PTPRD: variants seen among roughly 807,000 people sequenced by gnomAD.
PTPRD encodes the protein protein tyrosine phosphatase receptor type D, also known as receptor-type tyrosine-protein phosphatase delta.
A neutral mutation model predicts 214.5 loss-of-function variants in PTPRD; 34 were observed. The observed-to-expected ratio is 0.16, with a 90% CI of 0.12 to 0.21. The LOEUF (loss-of-function observed/expected upper bound fraction) is 0.21. PTPRD is among the 10% of genes least tolerant of loss of function. PTPRD has a pLI of 1.00. For missense variants in PTPRD, 2,545 were observed against 2,398.7 expected (o/e 1.06, Z -1.27); for synonymous variants, 1,128 against 845.7 (o/e 1.33, Z -5.79).
At chr9:9,459,103 A>T (rs1462672961) in intron 8 of PTPRD, among the ~76,000 whole-genome samples, 2 of 152,032 alleles carry the variant, frequency 1.3e-5, no homozygotes, top group African/African-American at 2.4e-5. Flanking sequence ...GCAGAGGTGG[A>T]TGCCTGAGAA....
chr9:8,459,151 G>A (rs917340746), intron 33 of PTPRD, among the ~76,000 whole-genome samples: 1 of 152,034 alleles, frequency 6.6e-6, no homozygotes, highest in Non-Finnish European at 1.5e-5. Context: ...AAGGGAGTGA[G>A]GGTGAAAATA....
At chr9:9,972,818 A>G (rs1446333794) in intron 4 of PTPRD, among the ~76,000 whole-genome samples, 3 of 151,964 alleles carry the variant, frequency 2.0e-5, no homozygotes, top group Non-Finnish European at 4.4e-5. Context: ...ATCTCCTACT[A>G]CTAACTCTGA....
At chr9:8,617,962 T>C (rs2095666935) in intron 14 of PTPRD, among the ~76,000 whole-genome samples, 1 of 152,244 alleles carries the variant, frequency 6.6e-6, no homozygotes, top group Admixed American at 6.5e-5. Flanking sequence ...ACTTTGAAAC[T>C]GGTAGGTTGT....
At chr9:9,566,701 G>A (rs1323857712) in intron 8 of PTPRD, among the ~76,000 whole-genome samples, 1 of 151,968 alleles carries the variant, frequency 6.6e-6, no homozygotes, top group Non-Finnish European at 1.5e-5. Context: ...ACTCGTAGTG[G>A]GGTCATAACT....
chr9:9,288,187 T>G (rs1950090976), intron 9 of PTPRD, among the ~76,000 whole-genome samples: 1 of 151,904 alleles, frequency 6.6e-6, no homozygotes, highest in Non-Finnish European at 1.5e-5. Flanking sequence ...TTTTCTTCAT[T>G]ATATCTTAAG....
At chr9:9,048,232 G>C (rs1447504776) in intron 10 of PTPRD, among the ~76,000 whole-genome samples, 1 of 152,096 alleles carries the variant, frequency 6.6e-6, no homozygotes, top group Non-Finnish European at 1.5e-5. Flanking sequence ...TCATTACAGA[G>C]AGCAGTTTGG....
chr9:8,531,769 T>G (rs2075761587), intron 14 of PTPRD, among the ~76,000 whole-genome samples: 1 of 152,124 alleles, frequency 6.6e-6, no homozygotes, highest in African/African-American at 2.4e-5. Flanking sequence ...CAATATTCAG[T>G]GCTGATCAGT....
intron 8 of PTPRD, among the ~76,000 whole-genome samples, chr9:9,421,455 G>T (rs79917915): frequency 6.6e-6 from 1 of 152,032 alleles, no homozygotes; most frequent in Non-Finnish European, 1.5e-5. Context: ...AAAACGAGTT[G>T]TTAAGATTTG....
At chr9:8,977,939 A>G (rs144902092) in intron 11 of PTPRD, among the ~76,000 whole-genome samples, 1 of 152,218 alleles carries the variant, frequency 6.6e-6, no homozygotes, top group African/African-American at 2.4e-5. Context: ...TCCAATATTC[A>G]ATTTTAAATT....
chr9:10,313,970 G>A lies in PTPRD; in HGVS notation c.-545+26993C>T, dbSNP rs541776946. On this transcript the variant is annotated intron_variant, in intron 3 of 45. Transcript: ENST00000381196. ...CTAGTGCTTTCTGTTCAACTTCATG[G>A]AGGTAGTGGTCTTTAAGCTGTGGAG... 7.2e-5 allele frequency among the ~76,000 whole-genome samples: 11 copies of A among 152,020 alleles called. No individual in the cohort carries two copies. The Middle Eastern group carries it at 0.014, about 188-fold the overall frequency.
intron 2 of PTPRD, among the ~76,000 whole-genome samples, chr9:10,579,893 T>G (rs1402068242): frequency 6.6e-6 from 1 of 152,182 alleles, no homozygotes; most frequent in African/African-American, 2.4e-5. Flanking sequence ...GTTGGCCACT[T>G]GAATGCCTTT....
At chr9:9,994,762 T>C (rs1483888713) in intron 4 of PTPRD, among the ~76,000 whole-genome samples, 2 of 152,160 alleles carry the variant, frequency 1.3e-5, no homozygotes, top group Non-Finnish European at 2.9e-5. Flanking sequence ...TTATCAATTG[T>C]ATTACATTTT....
intron 11 of PTPRD, among the ~76,000 whole-genome samples, chr9:9,014,935 T>C (rs62531086): frequency 0.058 from 8,884 of 152,240 alleles, 341 homozygotes; most frequent in Non-Finnish European, 0.084. Flanking sequence ...ATTCTGTGTA[T>C]ACATGTATTT....
At chr9:8,343,359 C>A (rs1243485513) in intron 39 of PTPRD, among the ~76,000 whole-genome samples, 1 of 151,904 alleles carries the variant, frequency 6.6e-6, no homozygotes, top group Non-Finnish European at 1.5e-5. Context: ...AAGTATAAAC[C>A]CACAAATTGA....
At chr9:9,966,068 T>C (rs937540245) in intron 4 of PTPRD, among the ~76,000 whole-genome samples, 1 of 152,122 alleles carries the variant, frequency 6.6e-6, no homozygotes, top group South Asian at 2.1e-4. Context: ...GTTTTCCACT[T>C]TGGTATTTAC....
At chr9:8,330,693 T>C (rs1839528347) in intron 44 of PTPRD, among the ~76,000 whole-genome samples, 1 of 150,832 alleles carries the variant, frequency 6.6e-6, no homozygotes, top group South Asian at 2.1e-4. Context: ...TTCATTATCA[T>C]AGAGCCAAAT....
intron 2 of PTPRD, among the ~76,000 whole-genome samples, chr9:10,605,457 C>T (rs1313148607): frequency 6.6e-6 from 1 of 151,748 alleles, no homozygotes; most frequent in Non-Finnish European, 1.5e-5. Flanking sequence ...CTTTCTAGAA[C>T]TTTGGAGAGT....
intron 9 of PTPRD, among the ~76,000 whole-genome samples, chr9:9,298,041 T>C (rs1953774594): frequency 6.6e-6 from 1 of 151,774 alleles, no homozygotes. Flanking sequence ...AATCAATGAC[T>C]TAAAATGTGA....
intron 18 of PTPRD, 127 bp downstream of exon 18, chr9:8,524,798 G>A (rs1343064700): frequency 2.4e-6 from 2 of 817,754 alleles, no homozygotes. Context: ...TTACTAACAT[G>A]TTTCAGCTAC....
Sources: allele counts gnomAD v4.1 joint callset (sites outside exome capture counted in the v4.1 genomes callset), GRCh38; gene constraint gnomAD v4.1.1; transcripts MANE v1.5; gene names NCBI Gene and HGNC (gene_info 2026-07-23, HGNC 2026-07-21).